The following CNOT2 variants were observed in gnomAD, a reference collection of about 807,000 sequenced individuals.
The protein encoded by CNOT2 is CCR4-NOT transcription complex subunit 2, also known as CC chemokine receptor 4-negative regulator of transcription 2.
Under a neutral mutation model 72.1 loss-of-function variants are expected in CNOT2, and 7 were observed. The observed-to-expected ratio is 0.10, with a 90% confidence interval of 0.06 to 0.18. The LOEUF (loss-of-function observed/expected upper bound fraction) is 0.18, where lower values mean the gene tolerates loss of function less well. Ranked by LOEUF, CNOT2 falls within the 10% of genes least tolerant of loss-of-function variation. The pLI is 1.00. For synonymous variants in CNOT2, 196 were observed against 225.6 expected, an observed-to-expected ratio of 0.87 and a Z score of 1.17; for missense variants, 345 against 660.3, an observed-to-expected ratio of 0.52 and a Z score of 5.23.
rs953014298 is a variant in CNOT2, at chr12:70,343,988, G to A, written c.1291-140G>A. Reference sequence around the variant, plus strand: ...TTTAGAATCTTAACTACCTATCTGTGTAATCATGTAATAACAGTTATCTAC... The same window carrying A: ...TTTAGAATCTTAACTACCTATCTGTATAATCATGTAATAACAGTTATCTAC... On this transcript the variant is annotated intron_variant, in intron 13 of 15. Transcript: ENST00000229195. The A allele has an allele frequency of 1.5e-5, 8 of 518,266 alleles. No individual in the cohort carries two copies. In the Admixed American group the frequency reaches 2.9e-4, roughly 19 times the overall value. 32.1% of individuals were successfully genotyped at this position (518,266 alleles called of 1,614,324 possible). A position where few individuals can be genotyped will look rare whatever the true frequency, so the allele number is the denominator to read the frequency against.
chr12:70,310,777 T>C (rs1876315475), intron 2 of CNOT2, 118 bp from the exon 3 acceptor site: 1 of 746,370 alleles, frequency 1.3e-6, no homozygotes, highest in Non-Finnish European at 2.1e-6. Context: ...AGCCATTAGT[T>C]GATCAATTTC....
At chr12:70,257,426 T>C (rs193285803) in intron 1 of CNOT2, among the ~76,000 whole-genome samples, 1 of 142,998 alleles carries the variant, frequency 7.0e-6, no homozygotes, top group African/African-American at 2.5e-5. Flanking sequence ...AGTGGCACCA[T>C]CTCGGCTCAC....
intron 2 of CNOT2, among the ~76,000 whole-genome samples, chr12:70,279,727 AT>A (rs1335105976): frequency 6.6e-6 from 1 of 152,194 alleles, no homozygotes; most frequent in Non-Finnish European, 1.5e-5. Flanking sequence ...TGAATGTAGA[AT>A]TTTTATGTGA....
chr12:70,313,101 C>T (rs562534860), intron 3 of CNOT2, among the ~76,000 whole-genome samples: 92 of 152,050 alleles, frequency 6.1e-4, no homozygotes, highest in African/African-American at 2.1e-3. Flanking sequence ...AATAGACAAG[C>T]TTATTGTTTT....
chr12:70,342,145 C>T lies in CNOT2; in HGVS notation c.1217C>T (p.Ser406Leu). The T allele has an allele frequency of 6.2e-7, 1 of 1,610,996 alleles. No individual in the cohort carries two copies. Among genetic ancestry groups the T allele is most frequent in the Non-Finnish European group, 8.5e-7 (1 of 1,177,224 alleles). Residue 406 changes from serine (S) to leucine (L), a missense_variant, in exon 12 of 16, where the codon TCA (serine) becomes TTA (leucine). By Grantham distance (145) the Ser-to-Leu change is moderately radical (BLOSUM62 -2). Around this residue, in one of 4 missense-constraint regions of CNOT2, gnomAD observed 128 missense variants for 233.0 expected, o/e 0.55. Coordinates refer to ENST00000229195, the MANE Select transcript of CNOT2 (RefSeq NM_014515.7). ...AAATTTGCGTCACCCTGGGCATCTT[C>T]ACCTTGTCGACCTCAAGACATAGGT... ...YPKFASPWAS[S>L]PCRPQDIDFH...
At chr12:70,282,542 CA>C (rs1217888020) in intron 2 of CNOT2, among the ~76,000 whole-genome samples, 1 of 152,138 alleles carries the variant, frequency 6.6e-6, no homozygotes, top group Admixed American at 6.5e-5. Context: ...TTTGCCTTGA[CA>C]ACTTTACTCT....
chr12:70,290,984 T>C (rs1411200500), intron 2 of CNOT2, among the ~76,000 whole-genome samples: 1 of 152,198 alleles, frequency 6.6e-6, no homozygotes, highest in Admixed American at 6.5e-5. Flanking sequence ...AGACCATTTC[T>C]CAGCATTTAA....
chr12:70,286,324 CA>C (rs1489054523), intron 2 of CNOT2, among the ~76,000 whole-genome samples: 1 of 146,824 alleles, frequency 6.8e-6, no homozygotes, highest in Non-Finnish European at 1.5e-5. Flanking sequence ...AATTTTTTTC[CA>C]TCTATTGAGG....
At chr12:70,255,207 TATCATGATAATCTTTG>T (rs1958372973) in intron 1 of CNOT2, among the ~76,000 whole-genome samples, 2 of 151,992 alleles carry the variant, frequency 1.3e-5, no homozygotes, top group African/African-American at 2.4e-5. Flanking sequence ...TAGGGTAAAA[TATCATGATAATCTTTG>T]GGGTATTCCC....
At chr12:70,332,627 G>A in intron 6 of CNOT2, 140 bp from the exon 7 acceptor site, 1 of 1,186,660 alleles carries the variant, frequency 8.4e-7, no homozygotes, top group Non-Finnish European at 1.1e-6. Context: ...ATAAAGAATA[G>A]ATTCAGAAAA....
intron 4 of CNOT2, chr12:70,324,395 A>C (rs909573084): frequency 1.3e-5 from 2 of 151,872 alleles, no homozygotes; most frequent in Admixed American, 6.6e-5. Flanking sequence ...AGGCAAAAAA[A>C]AATGGGATGA....
intron 1 of CNOT2, among the ~76,000 whole-genome samples, chr12:70,273,264 A>T (rs959202471): frequency 3.9e-5 from 6 of 152,058 alleles, no homozygotes; most frequent in African/African-American, 9.7e-5. Flanking sequence ...ATCTACGAAG[A>T]TTACCAAGTA....
intron 15 of CNOT2, among the ~76,000 whole-genome samples, chr12:70,352,947 C>T (rs985906028): frequency 4.6e-5 from 7 of 151,606 alleles, no homozygotes; most frequent in Non-Finnish European, 7.4e-5. Flanking sequence ...GTCTAGTTTT[C>T]GGTGGCAGTT....
intron 2 of CNOT2, among the ~76,000 whole-genome samples, chr12:70,285,884 A>G (rs917194426): frequency 6.6e-5 from 10 of 151,936 alleles, no homozygotes; most frequent in African/African-American, 2.4e-4. Flanking sequence ...GATTTTGTCA[A>G]CCTCATAAGG....
intron 2 of CNOT2, among the ~76,000 whole-genome samples, chr12:70,280,221 A>T (rs1375896144): frequency 6.6e-6 from 1 of 152,182 alleles, no homozygotes; most frequent in African/African-American, 2.4e-5. Flanking sequence ...GTTCAAAAAT[A>T]AAATAATTTT....
chr12:70,315,020 C>T (rs192608371), intron 3 of CNOT2, among the ~76,000 whole-genome samples: 179 of 152,086 alleles, frequency 1.2e-3, no homozygotes, highest in African/African-American at 4.1e-3. Context: ...TGCATCACCA[C>T]GCCCGGCTAA....
At chr12:70,339,715 C>T (rs1485635736) in intron 11 of CNOT2, among the ~76,000 whole-genome samples, 1 of 152,190 alleles carries the variant, frequency 6.6e-6, no homozygotes, top group African/African-American at 2.4e-5. Flanking sequence ...TCTTATGCAA[C>T]TATCGTACAC....
chr12:70,276,970 A>T (rs893909230), intron 1 of CNOT2, among the ~76,000 whole-genome samples: 2 of 151,784 alleles, frequency 1.3e-5, no homozygotes, highest in Non-Finnish European at 1.5e-5. Flanking sequence ...ATTTTTTTTT[A>T]AATGTTCTGC....
intron 2 of CNOT2, among the ~76,000 whole-genome samples, chr12:70,300,218 G>GT (rs767286384): frequency 4.6e-5 from 7 of 152,128 alleles, no homozygotes; most frequent in Admixed American, 1.3e-4. Context: ...AAGCTCTTTA[G>GT]TTTAATTAGA....
Sources: gnomAD v4.1 joint callset for allele counts (sites outside exome capture counted in the v4.1 genomes callset) on GRCh38, gnomAD v4.1.1 for gene constraint, gnomAD v4.1.1 regional missense constraint, MANE v1.5 for transcripts, NCBI Gene and HGNC (gene_info 2026-07-23, HGNC 2026-07-21) for gene names.